The following WLS variants were observed in gnomAD, a reference collection of about 807,000 sequenced individuals.
WLS encodes the protein Wnt ligand secretion mediator.
In WLS, 23 loss-of-function variants were observed where a neutral mutation model predicts 62.8. That is an observed-to-expected ratio of 0.37 (90% CI 0.26 to 0.52). WLS has a LOEUF of 0.52. WLS is among the 20% of genes least tolerant of loss of function. The probability of loss-of-function intolerance (pLI) is 0.92; values close to 1 mark genes in which losing one functional copy is unlikely to be tolerated. For synonymous variants in WLS, 246 were observed against 244.1 expected (o/e 1.01, Z -0.07); for missense variants, 615 against 697.3 (o/e 0.88, Z 1.33).
intron 11 of WLS, among the ~76,000 whole-genome samples, chr1:68,105,101 G>T (rs559461481): frequency 2.6e-5 from 4 of 152,186 alleles, no homozygotes; most frequent in Non-Finnish European, 5.9e-5. Flanking sequence ...TTAGATGTCT[G>T]ATCTACCCTT....
Position 68,205,178 on chromosome 1 carries a change from G to A in WLS, c.107-10951C>T, listed in dbSNP as rs74081608. Among the ~76,000 whole-genome samples, 1,208 of 152,270 alleles carry A rather than the reference G, an allele frequency of 7.9e-3. 19 individuals carry two copies. The highest frequency in any genetic ancestry group is 0.027 in the African/African-American group (1,141 of 41,556). On this transcript the variant is annotated intron_variant, in intron 1 of 11. Transcript: ENST00000262348. ...TGGGAAGAAGCCAGAGCTGCCTTCC[G>A]TGAGGTCAGTCTCCCAAGGTCACAC... is the stretch of plus-strand genomic sequence containing the variant.
intron 11 of WLS, among the ~76,000 whole-genome samples, chr1:68,104,063 G>A (rs528941826): frequency 1.4e-4 from 21 of 152,240 alleles, no homozygotes; most frequent in East Asian, 7.7e-4. Context: ...TATCCAGACC[G>A]TTGAAGAGTC....
At chr1:68,157,662 A>G (rs1570911270) in intron 3 of WLS, among the ~76,000 whole-genome samples, 1 of 152,212 alleles carries the variant, frequency 6.6e-6, no homozygotes, top group South Asian at 2.1e-4. Context: ...ACTCAAGACT[A>G]AATTTCACTG....
At position 68,126,142 on chromosome 1, in the gene WLS, A is replaced by G; in HGVS notation, c.*84T>C. 3 of 1,560,214 alleles carry G rather than the reference A, an allele frequency of 1.9e-6. No homozygotes were observed. Among genetic ancestry groups the G allele is most frequent in the Non-Finnish European group, 8.7e-7 (1 of 1,153,426 alleles). On this transcript the variant is annotated 3_prime_UTR_variant, in exon 12 of 12. Transcript: ENST00000262348. Reference sequence around the variant, plus strand: ...AGAGCCATGAGGCATTCATTTGTACATTGAGCTCTCTCTGGCATGCTCCCC... The same window carrying G: ...AGAGCCATGAGGCATTCATTTGTACGTTGAGCTCTCTCTGGCATGCTCCCC...
chr1:68,107,830 G>A (rs1353446915), intron 11 of WLS, among the ~76,000 whole-genome samples: 3 of 152,084 alleles, frequency 2.0e-5, no homozygotes, highest in Non-Finnish European at 4.4e-5. Flanking sequence ...GGTAGAAGCG[G>A]CAGCACAGAG....
intron 2 of WLS, among the ~76,000 whole-genome samples, chr1:68,187,518 G>A (rs1412737510): frequency 6.6e-6 from 1 of 152,114 alleles, no homozygotes; most frequent in Non-Finnish European, 1.5e-5. Flanking sequence ...ATGTTTTAAA[G>A]CTTTGCCAAC....
chr1:68,116,752 G>T (rs760645187), intron 11 of WLS, among the ~76,000 whole-genome samples: 4 of 152,138 alleles, frequency 2.6e-5, no homozygotes, highest in African/African-American at 4.8e-5. Context: ...CTTAATAGGG[G>T]CTCTATAAAC....
rs766409566 is a variant in WLS at position 68,137,904 on chromosome 1, G to A, written c.1392C>T (p.Gly464=). 8.8e-5 allele frequency: 142 copies of A among 1,613,792 alleles called. No individual in the cohort carries two copies. The highest frequency in any genetic ancestry group is 1.3e-4 in the Admixed American group (8 of 59,984). Residue 464 remains glycine (G), a synonymous_variant, in exon 11 of 12, where the codon GGC becomes GGT. Transcript: ENST00000262348. The part of the protein sequence containing the change: ...QVTEGHWKWG[G]VTVQVNSAFF... The stretch of plus-strand genomic sequence containing the variant: ...AGGCACTGTTCACTTGGACTGTGAC[G>A]CCGCCCCATTTCCAATGGCCTTCCG...
At chr1:68,138,098 A>T in intron 10 of WLS, 165 bp from the exon 11 acceptor site, 1 of 821,068 alleles carries the variant, frequency 1.2e-6, no homozygotes, top group Non-Finnish European at 1.9e-6. Context: ...TTTCGGTGTA[A>T]ATTAAGGTCA....
At chr1:68,099,974 T>C (rs1646055858) in intron 11 of WLS, among the ~76,000 whole-genome samples, 1 of 152,206 alleles carries the variant, frequency 6.6e-6, no homozygotes, top group African/African-American at 2.4e-5. Context: ...GCACATAAAG[T>C]TCTTAGGAGA....
rs554817942 is a variant in WLS at position 68,204,726 on chromosome 1, T to TAA, written c.107-10500_107-10499insTT. On this transcript the variant is annotated intron_variant, in intron 1 of 11. Coordinates refer to ENST00000262348, the MANE Select transcript of WLS (RefSeq NM_024911.7). ...CAAGGGCCGTCTCTCCTTCATTCAA[T>TAA]TTGTTAAATGCCTATAGTGTGCCAG... 2.4e-3 allele frequency among the ~76,000 whole-genome samples: 362 copies of TAA among 152,344 alleles called. 2 individuals carry two copies. The highest frequency in any genetic ancestry group is 8.3e-3 in the African/African-American group (345 of 41,580).
chr1:68,161,563 C>T (rs914244266), intron 2 of WLS, among the ~76,000 whole-genome samples: 7 of 152,226 alleles, frequency 4.6e-5, no homozygotes, highest in African/African-American at 1.7e-4. Flanking sequence ...ACATCCTAGT[C>T]TTTCAGCGCT....
At chr1:68,229,746 A>G (rs1001847833) in intron 1 of WLS, among the ~76,000 whole-genome samples, 1 of 152,172 alleles carries the variant, frequency 6.6e-6, no homozygotes, top group African/African-American at 2.4e-5. Context: ...GTGAAAGAGG[A>G]AAGGCTAAGT....
chr1:68,222,718 C>T (rs1378005136), intron 1 of WLS, among the ~76,000 whole-genome samples: 1 of 152,072 alleles, frequency 6.6e-6, no homozygotes, highest in African/African-American at 2.4e-5. Context: ...GTCTTGAAGG[C>T]CCTTTCATCC....
At chr1:68,133,071 AG>A (rs1646553462) in intron 11 of WLS, among the ~76,000 whole-genome samples, 4 of 135,270 alleles carry the variant, frequency 3.0e-5, no homozygotes, top group Admixed American at 7.3e-5. Context: ...CAACAGCAGC[AG>A]CAGCAGCAGC....
At chr1:68,187,735 A>C (rs1488840311) in intron 2 of WLS, among the ~76,000 whole-genome samples, 1 of 152,202 alleles carries the variant, frequency 6.6e-6, no homozygotes, top group Non-Finnish European at 1.5e-5. Context: ...AGAATTCTAA[A>C]ATATTCAATC....
intron 2 of WLS, among the ~76,000 whole-genome samples, chr1:68,173,749 C>T (rs1301365471): frequency 6.6e-6 from 1 of 152,158 alleles, no homozygotes; most frequent in Non-Finnish European, 1.5e-5. Flanking sequence ...AGAGCTCTGG[C>T]AGATGAACCG....
At chr1:68,114,882 C>T (rs1347207586) in intron 11 of WLS, among the ~76,000 whole-genome samples, 1 of 152,166 alleles carries the variant, frequency 6.6e-6, no homozygotes, top group Non-Finnish European at 1.5e-5. Flanking sequence ...CCTAATTGGG[C>T]AGGTATAGGC....
intron 11 of WLS, among the ~76,000 whole-genome samples, chr1:68,101,966 T>C (rs368147769): frequency 9.9e-5 from 15 of 152,232 alleles, no homozygotes; most frequent in African/African-American, 3.6e-4. Context: ...ATTTTCATTT[T>C]CCAAGGGACT....
Sources: allele counts gnomAD v4.1 joint callset (sites outside exome capture counted in the v4.1 genomes callset), GRCh38; gene constraint gnomAD v4.1.1; transcripts MANE v1.5; gene names NCBI Gene and HGNC (gene_info 2026-07-23, HGNC 2026-07-21).